CEP128: variants seen among roughly 807,000 people sequenced by gnomAD.
CEP128 encodes centrosomal protein 128kDa.
A neutral mutation model predicts 156.7 loss-of-function variants in CEP128; 132 were observed. The observed-to-expected ratio is 0.84, with a 90% CI of 0.73 to 0.97. The LOEUF (loss-of-function observed/expected upper bound fraction) is 0.97, where lower values mean the gene tolerates loss of function less well. Ranked by LOEUF, CEP128 falls within the 50% of genes least tolerant of loss-of-function variation. CEP128 has a pLI of 0.00. For missense variants in CEP128, 1,252 were observed against 1,281.9 expected, an observed-to-expected ratio of 0.98 and a Z score of 0.36; for synonymous variants, 469 against 448.9, an observed-to-expected ratio of 1.04 and a Z score of -0.57.
chr14:80,778,084 G>A (rs757196280), intron 15 of CEP128, 38 bp from the exon 16 acceptor site: 2 of 1,572,964 alleles, frequency 1.3e-6, no homozygotes, highest in South Asian at 1.1e-5. Flanking sequence ...AAGTCCACTA[G>A]CCATAGCCAA....
chr14:80,903,301 C>A (rs1327845383), intron 6 of CEP128, among the ~76,000 whole-genome samples: 1 of 152,044 alleles, frequency 6.6e-6, no homozygotes. Context: ...ACTGCATATA[C>A]ATGCTAAATA....
Position 80,708,238 on chromosome 14 carries a change from A to C in CEP128, c.2806+34837T>G, listed in dbSNP as rs182410041. Among the ~76,000 whole-genome samples the C allele has an allele frequency of 3.5e-4, 54 of 152,304 alleles. 1 individual carries two copies. The Middle Eastern group carries it at 0.014, about 38-fold the overall frequency. Reference sequence around the variant, plus strand: ...GTATCTTTTGATATACATTCCTAAAAGGGGAATTGAAGAGTCAAAAAATGC... The same window carrying C: ...GTATCTTTTGATATACATTCCTAAACGGGGAATTGAAGAGTCAAAAAATGC... On this transcript the variant is annotated intron_variant, in intron 19 of 24. Coordinates refer to ENST00000555265, the MANE Select transcript of CEP128 (RefSeq NM_152446.5).
chr14:80,490,822 C>A (rs1214961669), intron 6 of CEP128: 1 of 152,116 alleles, frequency 6.6e-6, no homozygotes, highest in Admixed American at 6.6e-5. Context: ...GGGATAGGCA[C>A]TAAAACTCAG....
intron 2 of CEP128, among the ~76,000 whole-genome samples, chr14:80,956,629 G>T (rs1459749441): frequency 6.6e-6 from 1 of 152,010 alleles, no homozygotes; most frequent in Non-Finnish European, 1.5e-5. Flanking sequence ...GTTAAAAAGA[G>T]AACAGAAAGA....
intron 21 of CEP128, among the ~76,000 whole-genome samples, chr14:80,536,186 G>A (rs927395078): frequency 1.3e-5 from 2 of 152,034 alleles, no homozygotes; most frequent in African/African-American, 2.4e-5. Context: ...AATTAAAAGG[G>A]GGGAATGCAT....
intron 4 of CEP128, among the ~76,000 whole-genome samples, chr14:80,907,300 C>G (rs1883941057): frequency 6.6e-6 from 1 of 152,096 alleles, no homozygotes; most frequent in South Asian, 2.1e-4. Flanking sequence ...TTCCACACCC[C>G]TCTGTCTCCT....
chr14:80,891,699 T>C (rs1177748809), intron 8 of CEP128, among the ~76,000 whole-genome samples: 2 of 152,074 alleles, frequency 1.3e-5, no homozygotes, highest in African/African-American at 4.8e-5. Flanking sequence ...AGAGTATAAT[T>C]GAATTGTTTG....
chr14:80,922,016 T>C (rs759304522), intron 2 of CEP128, among the ~76,000 whole-genome samples: 2 of 151,074 alleles, frequency 1.3e-5, no homozygotes, highest in Non-Finnish European at 2.9e-5. Context: ...TTTGCATTAA[T>C]ATACATTAAT....
chr14:80,522,325 G>A (rs1012194406), intron 23 of CEP128, among the ~76,000 whole-genome samples: 2 of 152,164 alleles, frequency 1.3e-5, no homozygotes, highest in Non-Finnish European at 2.9e-5. Flanking sequence ...TTCAATGAGA[G>A]AGAAATGAGT....
intron 14 of CEP128, among the ~76,000 whole-genome samples, chr14:80,788,402 C>A (rs1901532059): frequency 6.9e-6 from 1 of 145,648 alleles, no homozygotes; most frequent in Non-Finnish European, 1.5e-5. Context: ...AATTATCAGA[C>A]TCATAGGCAA....
At chr14:80,534,622 G>A (rs1183911599) in intron 21 of CEP128, among the ~76,000 whole-genome samples, 1 of 152,238 alleles carries the variant, frequency 6.6e-6, no homozygotes. Context: ...TCAGGAGATT[G>A]AGACCATCCT....
Position 80,838,279 on chromosome 14 carries a change from C to G in CEP128, c.850-1G>C. On this transcript the variant is annotated splice_acceptor_variant, in intron 10 of 24. Coordinates refer to ENST00000555265, the MANE Select transcript of CEP128 (RefSeq NM_152446.5). LOFTEE classifies it high-confidence loss of function. ...GAGATAGCTCCAATTCCTGTTCAAG[C>G]TAGAGTTTCAACAAAGGATAAAGAA... 1 of 1,610,742 alleles carries G rather than the reference C, an allele frequency of 6.2e-7. No homozygotes were observed. The highest frequency in any genetic ancestry group is 1.1e-5 in the South Asian group (1 of 90,880).
upstream of CEP128, among the ~76,000 whole-genome samples, chr14:80,943,444 CTGAT>C (rs1886245923): frequency 2.0e-5 from 3 of 152,296 alleles, no homozygotes; most frequent in African/African-American, 4.8e-5. Flanking sequence ...TTAATAAAAA[CTGAT>C]TGTCCACAGC....
upstream of CEP128, among the ~76,000 whole-genome samples, chr14:80,943,290 T>C (rs72693050): frequency 0.16 from 24,725 of 152,180 alleles, 2,248 homozygotes; most frequent in Admixed American, 0.23. Context: ...AAAAAGACAA[T>C]AAATGATTAC....
chr14:80,672,700 CTT>C (rs1895892849), intron 19 of CEP128, among the ~76,000 whole-genome samples: 1 of 152,124 alleles, frequency 6.6e-6, no homozygotes, highest in African/African-American at 2.4e-5. Flanking sequence ...TTGAAAATTT[CTT>C]TGACTTCTAA....
At chr14:80,883,651 A>C (rs1566691418) in intron 8 of CEP128, among the ~76,000 whole-genome samples, 1 of 152,204 alleles carries the variant, frequency 6.6e-6, no homozygotes, top group East Asian at 1.9e-4. Context: ...AATATTGTTA[A>C]AATGTCCATA....
chr14:80,766,175 T>C (rs570150462), intron 16 of CEP128, among the ~76,000 whole-genome samples: 18 of 152,280 alleles, frequency 1.2e-4, no homozygotes, highest in Non-Finnish European at 2.5e-4. Flanking sequence ...TTAGTCCAAT[T>C]TTCAAAAGTG....
At chr14:80,629,869 T>G (rs1357757248) in intron 19 of CEP128, among the ~76,000 whole-genome samples, 1 of 151,982 alleles carries the variant, frequency 6.6e-6, no homozygotes, top group Non-Finnish European at 1.5e-5. Flanking sequence ...TAACAAAACA[T>G]TTTGAATTGG....
At chr14:80,921,190 T>C (rs984383520) in intron 2 of CEP128, among the ~76,000 whole-genome samples, 2 of 152,188 alleles carry the variant, frequency 1.3e-5, no homozygotes, top group Non-Finnish European at 2.9e-5. Flanking sequence ...GGTTTGAATG[T>C]CCCCTCCAAA....
Sources: gnomAD v4.1 joint callset for allele counts (sites outside exome capture counted in the v4.1 genomes callset) on GRCh38, gnomAD v4.1.1 for gene constraint, MANE v1.5 for transcripts, NCBI Gene and HGNC (gene_info 2026-07-23, HGNC 2026-07-21) for gene names.